Variants in ARMC8 observed in about 807,000 individuals in gnomAD.
The protein encoded by ARMC8 is armadillo repeat-containing protein 8.
ARMC8 carries 20 observed loss-of-function variants against 99.3 expected under a neutral mutation model. The ratio of observed to expected loss-of-function variants is 0.20; its 90% confidence interval spans 0.14 to 0.29. The LOEUF (loss-of-function observed/expected upper bound fraction) is 0.29. Among genes scored for constraint, ARMC8 ranks in the 10% least tolerant of loss-of-function variants. The probability of loss-of-function intolerance (pLI) is 1.00; values close to 1 mark genes in which losing one functional copy is unlikely to be tolerated. For missense variants in ARMC8, 569 were observed against 809.5 expected (o/e 0.70, Z 3.60); for synonymous variants, 263 against 278.3 (o/e 0.95, Z 0.55).
rs767224092 is a variant in ARMC8 at position 138,274,548 on chromosome 3, C to T, written c.1725+4C>T. 29 of 1,599,428 alleles carry T rather than the reference C, an allele frequency of 1.8e-5. No homozygotes were observed. In the East Asian group the frequency reaches 2.2e-4, roughly 12 times the overall value. On this transcript the variant is annotated splice_donor_region_variant and intron_variant, in intron 18 of 21. Coordinates refer to ENST00000469044, the MANE Select transcript of ARMC8 (RefSeq NM_001363941.2). The stretch of plus-strand genomic sequence containing the variant: ...TAACATTGAGGTCAAAGAGCAGGTA[C>T]GTTGTTCCTTTCTCTTGGGGAATAT...
At chr3:138,231,206 T>C (rs1328224107) in intron 6 of ARMC8, among the ~76,000 whole-genome samples, 2 of 152,196 alleles carry the variant, frequency 1.3e-5, no homozygotes, top group Non-Finnish European at 2.9e-5. Flanking sequence ...ACTGACAACA[T>C]GTATCTTTGA....
chr3:138,254,373 C>T (rs1341351444), intron 12 of ARMC8, among the ~76,000 whole-genome samples: 1 of 152,106 alleles, frequency 6.6e-6, no homozygotes, highest in Non-Finnish European at 1.5e-5. Flanking sequence ...GAAAATTTAG[C>T]CAGCTAACCT....
At chr3:138,232,238 A>C (rs1305110310) in intron 6 of ARMC8, among the ~76,000 whole-genome samples, 3 of 151,888 alleles carry the variant, frequency 2.0e-5, no homozygotes, top group Non-Finnish European at 4.4e-5. Context: ...GGCTTCCCAA[A>C]GTGCTGGGAT....
At chr3:138,188,065 A>G (rs1021022095) in intron 1 of ARMC8, 2 of 222,636 alleles carry the variant, frequency 9.0e-6, no homozygotes, top group Non-Finnish European at 1.8e-5. Context: ...CCATTTCCTC[A>G]GAGCTGCCAG....
chr3:138,243,617 C>T (rs902967559), intron 11 of ARMC8, among the ~76,000 whole-genome samples: 9 of 152,178 alleles, frequency 5.9e-5, no homozygotes, highest in Non-Finnish European at 1.2e-4. Flanking sequence ...TAAGAATTGC[C>T]TTCAGAGCCA....
At chr3:138,252,621 T>C (rs897954132) in intron 12 of ARMC8, among the ~76,000 whole-genome samples, 27 of 151,544 alleles carry the variant, frequency 1.8e-4, no homozygotes, top group Non-Finnish European at 1.0e-4. Context: ...GCCTGGCTAA[T>C]TTTTTGTATT....
intron 5 of ARMC8, among the ~76,000 whole-genome samples, chr3:138,224,738 G>A (rs1413218928): frequency 6.6e-6 from 1 of 152,146 alleles, no homozygotes; most frequent in African/African-American, 2.4e-5. Context: ...CGACAGGGCA[G>A]ACTGTCTGCT....
intron 5 of ARMC8, 149 bp downstream of exon 5, chr3:138,223,882 G>C (rs1425955409): frequency 4.5e-6 from 3 of 663,804 alleles, no homozygotes; most frequent in Non-Finnish European, 7.9e-6. Flanking sequence ...CCAGTGCTTT[G>C]GGAGGCTGAG....
At chr3:138,290,355 G>A (rs2050820228) in intron 20 of ARMC8, among the ~76,000 whole-genome samples, 191 bp from the exon 21 acceptor site, 1 of 152,222 alleles carries the variant, frequency 6.6e-6, no homozygotes, top group East Asian at 1.9e-4. Context: ...AGGAGGCAGA[G>A]AGACGAGTTA....
At chr3:138,191,083 G>C (rs115663683) in intron 1 of ARMC8, among the ~76,000 whole-genome samples, 2,079 of 152,298 alleles carry the variant, frequency 0.014, 51 homozygotes, top group African/African-American at 0.048. Flanking sequence ...AAAGGGAACT[G>C]CTTTTGCAGA....
chr3:138,235,402 T>C (rs1404785195), intron 7 of ARMC8, among the ~76,000 whole-genome samples: 1 of 152,242 alleles, frequency 6.6e-6, no homozygotes, highest in Non-Finnish European at 1.5e-5. Context: ...TGCCTTGAAG[T>C]ATAGAAGCAG....
intron 13 of ARMC8, 87 bp from the exon 14 acceptor site, chr3:138,264,044 C>A: frequency 8.2e-7 from 1 of 1,217,872 alleles, no homozygotes; most frequent in Non-Finnish European, 1.2e-6. Flanking sequence ...TTGAAGTGTA[C>A]ATTAGTCATT....
chr3:138,295,960 A>C lies in ARMC8; in HGVS notation c.*68A>C. 406 of 1,536,904 alleles carry C rather than the reference A, an allele frequency of 2.6e-4. No homozygotes were observed. Among genetic ancestry groups the C allele is most frequent in the Middle Eastern group, 5.1e-4 (3 of 5,868 alleles). On this transcript the variant is annotated 3_prime_UTR_variant, in exon 22 of 22. Transcript: ENST00000469044. Reference sequence around the variant, plus strand: ...TTAAGGAAGTACAGGAACCAGCCTCATTTGATTCCTTCTATTTGCACAAGT... The same window carrying C: ...TTAAGGAAGTACAGGAACCAGCCTCCTTTGATTCCTTCTATTTGCACAAGT...
intron 15 of ARMC8, among the ~76,000 whole-genome samples, chr3:138,269,535 T>G (rs973175000): frequency 2.6e-5 from 4 of 152,214 alleles, no homozygotes; most frequent in African/African-American, 7.2e-5. Context: ...GCAGCATGTT[T>G]GGAATAAGAC....
intron 12 of ARMC8, chr3:138,262,594 G>T: frequency 2.6e-6 from 4 of 1,538,140 alleles, no homozygotes; most frequent in South Asian, 1.3e-5. Context: ...CACCTGAGGA[G>T]ATTAAAAAAA....
At chr3:138,272,036 G>A (rs2048852647) in intron 16 of ARMC8, among the ~76,000 whole-genome samples, 1 of 152,112 alleles carries the variant, frequency 6.6e-6, no homozygotes, top group Non-Finnish European at 1.5e-5. Flanking sequence ...GTTTTCTTCA[G>A]ACATGTATAG....
intron 1 of ARMC8, among the ~76,000 whole-genome samples, chr3:138,189,687 G>C (rs1266002792): frequency 6.6e-6 from 1 of 152,140 alleles, no homozygotes; most frequent in African/African-American, 2.4e-5. Context: ...TTGTTTTAAA[G>C]GATTTCCATT....
chr3:138,277,934 G>A (rs1248975142), intron 18 of ARMC8, among the ~76,000 whole-genome samples: 1 of 152,196 alleles, frequency 6.6e-6, no homozygotes, highest in South Asian at 2.1e-4. Context: ...GGGACAAACT[G>A]TTGCTGTATG....
chr3:138,227,641 A>G (rs2045762875), intron 5 of ARMC8, among the ~76,000 whole-genome samples: 1 of 152,106 alleles, frequency 6.6e-6, no homozygotes, highest in Non-Finnish European at 1.5e-5. Context: ...TTTTTTTCCC[A>G]AGGAAAATCC....
Sources: allele counts gnomAD v4.1 joint callset (sites outside exome capture counted in the v4.1 genomes callset), GRCh38; gene constraint gnomAD v4.1.1; transcripts MANE v1.5; gene names NCBI Gene and HGNC (gene_info 2026-07-23, HGNC 2026-07-21).